The following ROR2 variants were observed in gnomAD, a reference collection of about 807,000 sequenced individuals.
The protein encoded by ROR2 is ROR family WNT receptor 2, also known as tyrosine-protein kinase transmembrane receptor ROR2.
Under a neutral mutation model 74.9 loss-of-function variants are expected in ROR2, and 33 were observed. That is an observed-to-expected ratio of 0.44 (90% CI 0.33 to 0.59). The LOEUF (loss-of-function observed/expected upper bound fraction) is 0.59. ROR2 is among the 20% of genes least tolerant of loss of function. The pLI is 0.02. For synonymous variants in ROR2, 586 were observed against 558.7 expected, an observed-to-expected ratio of 1.05 and a Z score of -0.69; for missense variants, 1,216 against 1,313.8, an observed-to-expected ratio of 0.93 and a Z score of 1.15.
At chr9:91,880,629 G>A (rs1040015229) in intron 1 of ROR2, among the ~76,000 whole-genome samples, 1 of 152,214 alleles carries the variant, frequency 6.6e-6, no homozygotes, top group Non-Finnish European at 1.5e-5. Flanking sequence ...TCAGTTAGGG[G>A]ACAAAGTGAC....
chr9:91,917,307 A>G (rs1209632970), intron 1 of ROR2, among the ~76,000 whole-genome samples: 1 of 152,224 alleles, frequency 6.6e-6, no homozygotes, highest in East Asian at 1.9e-4. Context: ...AACATAGGAA[A>G]AATAATCTCA....
At chr9:91,863,567 A>G (rs879618971) in intron 1 of ROR2, among the ~76,000 whole-genome samples, 1 of 152,252 alleles carries the variant, frequency 6.6e-6, no homozygotes, top group African/African-American at 2.4e-5. Context: ...GTGTATCTGT[A>G]CAGTGAAAGA....
intron 1 of ROR2, among the ~76,000 whole-genome samples, chr9:91,914,063 A>C (rs1214979618): frequency 6.6e-6 from 1 of 151,362 alleles, no homozygotes; most frequent in Non-Finnish European, 1.5e-5. Flanking sequence ...CAACCAAAAA[A>C]AAATCTCATG....
chr9:91,767,612 C>T (rs972832669), intron 2 of ROR2, among the ~76,000 whole-genome samples: 2 of 152,202 alleles, frequency 1.3e-5, no homozygotes, highest in Non-Finnish European at 2.9e-5. Flanking sequence ...TAAAGCTGCT[C>T]CTCCCAAGGG....
At chr9:91,782,064 C>T (rs539666080) in intron 1 of ROR2, among the ~76,000 whole-genome samples, 1 of 152,348 alleles carries the variant, frequency 6.6e-6, no homozygotes, top group South Asian at 2.1e-4. Context: ...TCTCTCTTCC[C>T]AGCATCCACA....
chr9:91,819,641 TTC>T (rs1395114643), intron 1 of ROR2, among the ~76,000 whole-genome samples: 8 of 152,240 alleles, frequency 5.3e-5, no homozygotes, highest in South Asian at 4.2e-4. Flanking sequence ...GTTGGTGTGT[TTC>T]TGTGTTCTCT....
chr9:91,726,158 A>G (rs1781528776), intron 8 of ROR2, among the ~76,000 whole-genome samples: 1 of 152,150 alleles, frequency 6.6e-6, no homozygotes, highest in Non-Finnish European at 1.5e-5. Context: ...AAACAAAACA[A>G]AGCAAAACCA....
rs10677451 is a variant in ROR2 at position 91,832,367 on chromosome 9, CAAAAAAAAA to C, written c.98-56558_98-56550del. ...TTGTCAACTTCTGGGGTCACAATGG[CAAAAAAAAA>C]AAAAAAAAAAAAAAAAAAGGCTGTG... On this transcript the variant is annotated intron_variant, in intron 1 of 8. Coordinates refer to ENST00000375708, the MANE Select transcript of ROR2 (RefSeq NM_004560.4). Among the ~76,000 whole-genome samples, 134 of 38,342 alleles carry C rather than the reference CAAAAAAAAA, an allele frequency of 3.5e-3. 1 individual carries two copies. Among genetic ancestry groups the C allele is most frequent in the African/African-American group, 0.012 (127 of 10,558 alleles). The allele number at this position is 38,342 out of a possible 152,430, so 25.2% of individuals were successfully genotyped here.
chr9:91,876,259 C>T (rs1162000054), intron 1 of ROR2, among the ~76,000 whole-genome samples: 1 of 151,988 alleles, frequency 6.6e-6, no homozygotes, highest in Non-Finnish European at 1.5e-5. Flanking sequence ...ATCCCAGCTA[C>T]TCGAGAGACT....
chr9:91,948,277 G>C (rs907763073), intron 1 of ROR2, among the ~76,000 whole-genome samples: 5 of 152,152 alleles, frequency 3.3e-5, no homozygotes, highest in African/African-American at 1.2e-4. Context: ...TAACCGCAGG[G>C]TGAACAGCAA....
At chr9:91,743,911 A>T in intron 4 of ROR2, among the ~76,000 whole-genome samples, 1 of 152,242 alleles carries the variant, frequency 6.6e-6, no homozygotes, top group East Asian at 1.9e-4. Context: ...GTGAAAACAA[A>T]TGTTCATGGC....
intron 2 of ROR2, among the ~76,000 whole-genome samples, chr9:91,763,844 T>G (rs1047745991): frequency 2.0e-5 from 3 of 152,232 alleles, no homozygotes; most frequent in African/African-American, 7.2e-5. Flanking sequence ...TTAATTGCAC[T>G]GTTGTCACAG....
chr9:91,763,936 T>C (rs1049364941), intron 2 of ROR2, among the ~76,000 whole-genome samples: 2 of 152,232 alleles, frequency 1.3e-5, no homozygotes, highest in African/African-American at 4.8e-5. Flanking sequence ...GGTCCACATA[T>C]GCGTAGTAAG....
At position 91,723,849 on chromosome 9, in the gene ROR2, G is replaced by C. The variant is rs200296562; in HGVS notation, c.2645C>G (p.Ser882Cys). The change falls in exon 9 of 9, where the codon TCC becomes TGC. Residue 882 changes from serine (S) to cysteine (C), a missense_variant. By Grantham distance (112) the Ser-to-Cys change is moderately radical (BLOSUM62 -1). Transcript: ENST00000375708. ...GYVTTAPSNT[S>C]MADRAALLSE... is the part of the protein sequence containing the mutation. ...GAGCAGGGCTGCCCTGTCTGCCATG[G>C]ATGTGTTGGAGGGGGCCGTGGTGAC... The C allele has an allele frequency of 5.3e-5, 86 of 1,613,940 alleles. No homozygotes were observed. The highest frequency in any genetic ancestry group is 7.3e-5 in the Non-Finnish European group (86 of 1,180,038).
At position 91,733,884 on chromosome 9, in the gene ROR2, G is replaced by C. The variant is rs999067627; in HGVS notation, c.623-448C>G. Among the ~76,000 whole-genome samples, 1 of 152,222 alleles carries C rather than the reference G, an allele frequency of 6.6e-6. No individual in the cohort carries two copies. The highest frequency in any genetic ancestry group is 2.4e-5 in the African/African-American group (1 of 41,462). ...TCCCAATGTCCCAGATCTGTCTGGG[G>C]AGAAGGCTGTCCCGGAAGAGGGAGT... is the stretch of plus-strand genomic sequence containing the variant. On this transcript the variant is annotated intron_variant, in intron 5 of 8. Coordinates refer to ENST00000375708, the MANE Select transcript of ROR2 (RefSeq NM_004560.4). This position sits in a 1 kb window ranked among gnomAD's most constrained non-coding sequence, Gnocchi z 5.7.
chr9:91,769,685 C>G (rs1220908304), intron 2 of ROR2, among the ~76,000 whole-genome samples: 2 of 152,148 alleles, frequency 1.3e-5, no homozygotes, highest in African/African-American at 4.8e-5. Flanking sequence ...CCCCTACGTC[C>G]TCTCTCAGTG....
intron 1 of ROR2, among the ~76,000 whole-genome samples, chr9:91,780,782 CT>C (rs1826593475): frequency 6.6e-6 from 1 of 152,176 alleles, no homozygotes; most frequent in Non-Finnish European, 1.5e-5. Context: ...CAGAGCAAGA[CT>C]CCATCTCAAA....
intron 1 of ROR2, among the ~76,000 whole-genome samples, chr9:91,794,749 A>G (rs1564281022): frequency 6.6e-6 from 1 of 152,300 alleles, no homozygotes; most frequent in South Asian, 2.1e-4. Context: ...TTTTCTAATA[A>G]AAAAGTAAAA....
intron 2 of ROR2, among the ~76,000 whole-genome samples, chr9:91,765,355 T>C (rs1045524914): frequency 6.6e-6 from 1 of 152,234 alleles, no homozygotes; most frequent in African/African-American, 2.4e-5. Flanking sequence ...TGTTTCCTCC[T>C]TTCATCTTTA....
Sources: allele counts gnomAD v4.1 joint callset (sites outside exome capture counted in the v4.1 genomes callset), GRCh38; gene constraint gnomAD v4.1.1; non-coding constraint Gnocchi (gnomAD v3.1); transcripts MANE v1.5; gene names NCBI Gene and HGNC (gene_info 2026-07-23, HGNC 2026-07-21).